OR7C1: variants seen among roughly 807,000 people sequenced by gnomAD.
OR7C1 encodes the protein olfactory receptor 7C1.
For missense variants in OR7C1, 324 were observed against 383.3 expected, an observed-to-expected ratio of 0.85 and a Z score of 1.29; for synonymous variants, 152 against 160.7, an observed-to-expected ratio of 0.95 and a Z score of 0.41.
intron 1 of OR7C1, chr19:14,827,464 G>T (rs1428292068): frequency 1.2e-6 from 2 of 1,614,070 alleles, no homozygotes; most frequent in Non-Finnish European, 1.7e-6. Flanking sequence ...GCAGAACTAA[G>T]GTACACCCCT....
chr19:14,827,479 T>A (rs775073172), intron 1 of OR7C1: 1 of 1,613,790 alleles, frequency 6.2e-7, no homozygotes, highest in Admixed American at 1.7e-5. Context: ...ACCCCTAGGA[T>A]TGCACCATAA....
At chr19:14,822,541 C>T (rs1295829533) in intron 1 of OR7C1, among the ~76,000 whole-genome samples, 5 of 151,886 alleles carry the variant, frequency 3.3e-5, no homozygotes, top group South Asian at 2.1e-4. Context: ...CCCGCCACTG[C>T]GCCGGCTAAT....
chr19:14,814,604 A>G (rs2044707696), intron 1 of OR7C1, among the ~76,000 whole-genome samples: 1 of 152,068 alleles, frequency 6.6e-6, no homozygotes, highest in Non-Finnish European at 1.5e-5. Context: ...TTGTATTTTT[A>G]GTAGAGACGG....
chr19:14,811,211 G>A (rs1253029095), intron 1 of OR7C1, among the ~76,000 whole-genome samples: 1 of 151,874 alleles, frequency 6.6e-6, no homozygotes, highest in Non-Finnish European at 1.5e-5. Flanking sequence ...AAAACAACAG[G>A]AATGTATTCT....
At chr19:14,818,305 A>G (rs2044725848) in intron 1 of OR7C1, among the ~76,000 whole-genome samples, 1 of 152,060 alleles carries the variant, frequency 6.6e-6, no homozygotes, top group Admixed American at 6.5e-5. Context: ...CGTGTAACCC[A>G]GGATGGTCTC....
intron 1 of OR7C1, among the ~76,000 whole-genome samples, chr19:14,832,185 T>C (rs562453923): frequency 2.6e-5 from 4 of 151,988 alleles, no homozygotes; most frequent in Admixed American, 6.5e-5. Flanking sequence ...GCTGGAATTA[T>C]AGGCATGAGT....
intron 1 of OR7C1, among the ~76,000 whole-genome samples, chr19:14,822,816 T>C (rs2044747478): frequency 1.3e-5 from 2 of 152,162 alleles, no homozygotes; most frequent in Non-Finnish European, 2.9e-5. Flanking sequence ...ATGTCTTCTA[T>C]TGAGACATGT....
chr19:14,818,774 C>T (rs1440536732), intron 1 of OR7C1, among the ~76,000 whole-genome samples: 5 of 152,154 alleles, frequency 3.3e-5, no homozygotes, highest in Non-Finnish European at 5.9e-5. Context: ...GCGGTCAGGT[C>T]TATCAGTGGG....
chr19:14,805,406 A>ATTTAT (rs2044661519), intron 2 of OR7C1, among the ~76,000 whole-genome samples: 1 of 98,058 alleles, frequency 1.0e-5, no homozygotes, highest in Non-Finnish European at 2.0e-5. Flanking sequence ...CAGGAAAATA[A>ATTTAT]TTTTTTTTTT....
chr19:14,819,917 T>C (rs1331441074), intron 1 of OR7C1, among the ~76,000 whole-genome samples: 1 of 152,236 alleles, frequency 6.6e-6, no homozygotes, highest in Non-Finnish European at 1.5e-5. Context: ...CGTTTATTTA[T>C]TTATTTAGAG....
chr19:14,818,257 T>C (rs796942993), intron 1 of OR7C1, among the ~76,000 whole-genome samples: 3 of 152,000 alleles, frequency 2.0e-5, no homozygotes, highest in African/African-American at 7.2e-5. Flanking sequence ...TACGCCCGGC[T>C]AATTTTTTTG....
rs763694945 is a variant in OR7C1 at position 14,812,605 on chromosome 19, G to T, written c.-622-2612C>A. On this transcript the variant is annotated intron_variant, in intron 1 of 4. Transcript: ENST00000641666. ...TAAAAGGGACAGGAATTTCTCACTC[G>T]GGGAGCATGGATTTTAAGACGCTAG... 3.4e-4 allele frequency among the ~76,000 whole-genome samples: 51 copies of T among 151,572 alleles called. 1 individual carries two copies. Among genetic ancestry groups the T allele is most frequent in the Non-Finnish European group, 1.8e-4 (12 of 67,968 alleles).
chr19:14,799,128 T>A, exon 5 of OR7C1: 1 of 1,548,870 alleles, frequency 6.5e-7, no homozygotes, highest in African/African-American at 1.4e-5. Context: ...TTTGGATACA[T>A]TCAAGAACCA....
rs548610807 is a variant in OR7C1, at chr19:14,811,734, G to A, written c.-622-1741C>T. On this transcript the variant is annotated intron_variant, in intron 1 of 4. Coordinates refer to ENST00000641666, the Ensembl canonical transcript of OR7C1. ...GATACAGGGAGCTGATAATCACAGA[G>A]GACACTAAAATTTAAAGAAAAGTTA... Among the ~76,000 whole-genome samples, 44 of 151,916 alleles carry A rather than the reference G, an allele frequency of 2.9e-4. 1 individual carries two copies. Among genetic ancestry groups the A allele is most frequent in the African/African-American group, 1.0e-3 (42 of 41,262 alleles).
At chr19:14,807,412 T>A (rs574263877) in intron 2 of OR7C1, among the ~76,000 whole-genome samples, 1 of 152,074 alleles carries the variant, frequency 6.6e-6, no homozygotes, top group African/African-American at 2.4e-5. Flanking sequence ...CATGGAGAGT[T>A]GAAGCATAGG....
chr19:14,799,231 C>T (rs1156387681), exon 5 of OR7C1: 1 of 1,614,118 alleles, frequency 6.2e-7, no homozygotes, highest in Admixed American at 1.7e-5. Context: ...TGAGGAGTCT[C>T]CCCAGGGCCC....
At chr19:14,815,094 T>A (rs931389512) in intron 1 of OR7C1, among the ~76,000 whole-genome samples, 53 of 152,114 alleles carry the variant, frequency 3.5e-4, no homozygotes, top group African/African-American at 1.2e-3. Context: ...TTAAAACAAT[T>A]TGCAGCTCCA....
intron 1 of OR7C1, chr19:14,827,428 C>T: frequency 6.2e-7 from 1 of 1,614,106 alleles, no homozygotes; most frequent in South Asian, 1.1e-5. Context: ...GAGGCTGTTG[C>T]ACTTGAGTGT....
chr19:14,800,785 G>A, intron 2 of OR7C1, 21 bp from the exon 3 acceptor site: 1 of 152,176 alleles, frequency 6.6e-6, no homozygotes, highest in East Asian at 1.9e-4. Context: ...CAATTGCAAA[G>A]TAAGATTAGG....
Sources: gnomAD v4.1 joint callset for allele counts (sites outside exome capture counted in the v4.1 genomes callset) on GRCh38, gnomAD v4.1.1 for gene constraint, MANE v1.5 for transcripts, NCBI Gene and HGNC (gene_info 2026-07-23, HGNC 2026-07-21) for gene names.